Variants in EMC8 observed in about 807,000 individuals in gnomAD.
EMC8 encodes ER membrane protein complex subunit 8, also known as COX4 neighbor.
A neutral mutation model predicts 24.3 loss-of-function variants in EMC8; 11 were observed. The observed-to-expected ratio is 0.45, with a 90% CI of 0.28 to 0.75. The LOEUF is 0.75. EMC8 is among the 30% of genes least tolerant of loss of function. The pLI is 0.12. For missense variants in EMC8, 277 were observed against 282.7 expected, an observed-to-expected ratio of 0.98 and a Z score of 0.14; for synonymous variants, 145 against 117.7, an observed-to-expected ratio of 1.23 and a Z score of -1.50.
intron 2 of EMC8, among the ~76,000 whole-genome samples, chr16:85,782,610 T>C (rs1249915036): frequency 6.6e-6 from 1 of 152,184 alleles, no homozygotes; most frequent in Non-Finnish European, 1.5e-5. Context: ...TCCATGACTG[T>C]TTCTTCAACT....
chr16:85,793,161 T>C (rs569539707), intron 1 of EMC8, among the ~76,000 whole-genome samples: 3 of 152,168 alleles, frequency 2.0e-5, no homozygotes, highest in African/African-American at 2.4e-5. Context: ...ACTAGACTCT[T>C]TGCACAGAGG....
chr16:85,784,923 G>A (rs1185854538), intron 2 of EMC8: 1 of 152,224 alleles, frequency 6.6e-6, no homozygotes, highest in African/African-American at 2.4e-5. Context: ...CATTGCAGAT[G>A]CTCAAGAACT....
At chr16:85,780,325 C>T (rs1904428895) in intron 4 of EMC8, 54 bp downstream of exon 4, 22 of 1,343,636 alleles carry the variant, frequency 1.6e-5, no homozygotes, top group East Asian at 2.3e-5. Context: ...GTGGCTCTCA[C>T]GTGGCCGGGC....
chr16:85,788,002 T>G (rs1904830688), intron 2 of EMC8, among the ~76,000 whole-genome samples: 1 of 152,182 alleles, frequency 6.6e-6, no homozygotes, highest in Non-Finnish European at 1.5e-5. Flanking sequence ...GGCAGGGCCC[T>G]TCACTGCACC....
chr16:85,793,255 G>A (rs1033285578), intron 1 of EMC8, among the ~76,000 whole-genome samples: 2 of 152,218 alleles, frequency 1.3e-5, no homozygotes, highest in Non-Finnish European at 2.9e-5. Context: ...TAAAGAAGGC[G>A]AGGCAGGGAC....
At chr16:85,785,971 C>T (rs922291092) in intron 2 of EMC8, among the ~76,000 whole-genome samples, 6 of 152,136 alleles carry the variant, frequency 3.9e-5, no homozygotes, top group African/African-American at 1.2e-4. Context: ...AACAATGAAT[C>T]ATATAATAAA....
intron 2 of EMC8, among the ~76,000 whole-genome samples, chr16:85,786,959 C>T (rs557153414): frequency 6.6e-6 from 1 of 152,282 alleles, no homozygotes; most frequent in South Asian, 2.1e-4. Flanking sequence ...AGGCCCCTGC[C>T]CTCATCTGAC....
chr16:85,785,016 T>C (rs1904688367), intron 2 of EMC8: 1 of 152,230 alleles, frequency 6.6e-6, no homozygotes, highest in Admixed American at 6.5e-5. Context: ...GGCGAGATCA[T>C]GGCTCACTGC....
At chr16:85,798,404 C>A (rs1006832087) in intron 1 of EMC8, among the ~76,000 whole-genome samples, 2 of 152,046 alleles carry the variant, frequency 1.3e-5, no homozygotes, top group East Asian at 3.9e-4. Context: ...TTACAGGGGT[C>A]AGCCACCGCG....
Position 85,784,143 on chromosome 16 carries a change from C to G in EMC8, c.309-2863G>C, listed in dbSNP as rs961706094. ...CCTCCCAAGTAGCTGGGACTACAGG[C>G]GCCCGCCACCACGCCCAGCTAATTT... On this transcript the variant is annotated intron_variant, in intron 2 of 4. Transcript: ENST00000253457. Among the ~76,000 whole-genome samples, 27 of 152,284 alleles carry G rather than the reference C, an allele frequency of 1.8e-4. 1 individual carries two copies. Among genetic ancestry groups the G allele is most frequent in the African/African-American group, 6.0e-4 (25 of 41,560 alleles).
intron 1 of EMC8, among the ~76,000 whole-genome samples, chr16:85,791,313 T>A (rs1244634030): frequency 6.6e-6 from 1 of 152,236 alleles, no homozygotes; most frequent in Non-Finnish European, 1.5e-5. Flanking sequence ...TTTTATTTTT[T>A]AATTTTTATT....
At chr16:85,796,280 AAGCCAGGAACCT>A (rs1442009745) in intron 1 of EMC8, among the ~76,000 whole-genome samples, 2 of 152,170 alleles carry the variant, frequency 1.3e-5, no homozygotes, top group African/African-American at 4.8e-5. Context: ...CCCAGCGCAC[AAGCCAGGAACCT>A]AGGTAACACC....
chr16:85,793,900 G>A (rs145233177), intron 1 of EMC8, among the ~76,000 whole-genome samples: 2,509 of 152,166 alleles, frequency 0.016, 33 homozygotes, highest in Non-Finnish European at 0.023. Flanking sequence ...GTTAATAGGC[G>A]TAAGTACTTA....
chr16:85,780,565 C>A, intron 3 of EMC8, 92 bp from the exon 4 acceptor site: 1 of 860,320 alleles, frequency 1.2e-6, no homozygotes, highest in African/African-American at 1.7e-5. Flanking sequence ...GCAGCCGTGC[C>A]CACGCTGGCT....
rs57468770 is a variant in EMC8, at chr16:85,779,348, T to A, written c.*360A>T. The A allele has an allele frequency of 0.025, 3,288 of 130,418 alleles. 128 individuals carry two copies. Among genetic ancestry groups the A allele is most frequent in the African/African-American group, 0.094 (3,065 of 32,660 alleles). The allele number at this position is 130,418 out of a possible 1,614,324, so 8.1% of individuals were successfully genotyped here. ...AAGATGTGGGCTTTTTTTTTTTTTT[T>A]TAAAAAAAGATAGTTCAAAAGCCTT... is the stretch of plus-strand genomic sequence containing the variant. On this transcript the variant is annotated 3_prime_UTR_variant, in exon 5 of 5. Transcript: ENST00000253457.
chr16:85,779,767 C>T lies in EMC8; in HGVS notation c.574G>A (p.Asp192Asn), dbSNP rs140185656. 1.9e-6 allele frequency: 3 copies of T among 1,614,110 alleles called. No individual in the cohort carries two copies. In the African/African-American group the frequency reaches 4.0e-5, roughly 22 times the overall value. Residue 192 changes from aspartate to asparagine, a missense_variant, in exon 5 of 5, where the codon GAC becomes AAC. Coordinates refer to ENST00000253457, the MANE Select transcript of EMC8 (RefSeq NM_006067.5). ...TLVDFDNHLD[D>N]IRNDWTNPEI... The stretch of plus-strand genomic sequence containing the variant: ...GGGTTTGTCCAGTCATTCCGAATGT[C>T]ATCCAGGTGGTTATCGAAATCCACG...
In EMC8 at chr16:85,779,591, C is replaced by T; in HGVS notation, c.*117G>A. 1 of 1,095,560 alleles carries T rather than the reference C, an allele frequency of 9.1e-7. No individual in the cohort carries two copies. The highest frequency in any genetic ancestry group is 1.3e-6 in the Non-Finnish European group (1 of 745,370). 67.9% of individuals were successfully genotyped at this position (1,095,560 alleles called of 1,614,324 possible). A position where few individuals can be genotyped will look rare whatever the true frequency, so the allele number is the denominator to read the frequency against. ...CTGCCCCCTTTCAAGGCACATGCCA[C>T]TTCTTAAAACGGTCAGCTTTCCACA... is the stretch of plus-strand genomic sequence containing the variant. On this transcript the variant is annotated 3_prime_UTR_variant, in exon 5 of 5. Coordinates refer to ENST00000253457, the MANE Select transcript of EMC8 (RefSeq NM_006067.5).
intron 1 of EMC8, among the ~76,000 whole-genome samples, chr16:85,796,487 C>A (rs1432041482): frequency 6.6e-6 from 1 of 152,180 alleles, no homozygotes; most frequent in East Asian, 1.9e-4. Context: ...GGGGCCATCA[C>A]TCGAAGGCAC....
chr16:85,784,517 T>A (rs1904660291), intron 2 of EMC8: 1 of 152,220 alleles, frequency 6.6e-6, no homozygotes, highest in Non-Finnish European at 1.5e-5. Flanking sequence ...AAAATATGAC[T>A]TAAAAATGTG....
Sources: allele counts gnomAD v4.1 joint callset (sites outside exome capture counted in the v4.1 genomes callset), GRCh38; gene constraint gnomAD v4.1.1; transcripts MANE v1.5; gene names NCBI Gene and HGNC (gene_info 2026-07-23, HGNC 2026-07-21).